ATXN2: variants seen among roughly 807,000 people sequenced by gnomAD.
The protein encoded by ATXN2 is ataxin 2.
ATXN2 carries 37 observed loss-of-function variants against 138.6 expected under a neutral mutation model. The ratio of observed to expected loss-of-function variants is 0.27; its 90% CI spans 0.21 to 0.35. The LOEUF is 0.35. ATXN2 is among the 10% of genes least tolerant of loss of function. ATXN2 has a pLI of 1.00. For synonymous variants in ATXN2, 549 were observed against 543.7 expected, an observed-to-expected ratio of 1.01 and a Z score of -0.13; for missense variants, 1,216 against 1,480.3, an observed-to-expected ratio of 0.82 and a Z score of 2.93.
At chr12:111,584,693 C>A (rs967292582) in intron 1 of ATXN2, among the ~76,000 whole-genome samples, 1 of 151,982 alleles carries the variant, frequency 6.6e-6, no homozygotes. Context: ...AGGCCGGGCA[C>A]AGGGGTTCAT....
rs780175287 is a variant in ATXN2 at position 111,470,666 on chromosome 12, T to C, written c.2601A>G (p.Pro867=). ...AMMHPASAAG[P]PIAATPPAYS... ...AAGCTGGTGGGGTGGCTGCAATCGG[T>C]GGGCCCGCTGCTGACGCTGGGTGCA... The change falls in exon 19 of 25, where the codon CCA becomes CCG. Residue 867 remains proline, a synonymous_variant. Coordinates refer to ENST00000673436, the MANE Select transcript of ATXN2 (RefSeq NM_001372574.1). 1.9e-6 allele frequency: 3 copies of C among 1,613,966 alleles called. No homozygotes were observed. The highest frequency in any genetic ancestry group is 1.3e-5 in the African/African-American group (1 of 74,874).
intron 1 of ATXN2, chr12:111,581,659 C>T (rs1884012981): frequency 2.7e-6 from 2 of 731,776 alleles, no homozygotes; most frequent in Non-Finnish European, 5.1e-6. Flanking sequence ...GCGACCTGAT[C>T]AGGGCCCAGG....
At chr12:111,494,971 G>A (rs1307533526) in intron 14 of ATXN2, among the ~76,000 whole-genome samples, 2 of 151,938 alleles carry the variant, frequency 1.3e-5, no homozygotes, top group African/African-American at 2.4e-5. Context: ...AATGTAAATC[G>A]ACTAAACTCT....
chr12:111,502,158 G>A (rs1878816887), intron 14 of ATXN2, among the ~76,000 whole-genome samples: 1 of 152,156 alleles, frequency 6.6e-6, no homozygotes, highest in Admixed American at 6.5e-5. Context: ...CTCCCAAAGT[G>A]CTAAGATTCA....
At chr12:111,557,309 C>T (rs1818066582) in intron 1 of ATXN2, among the ~76,000 whole-genome samples, 1 of 152,178 alleles carries the variant, frequency 6.6e-6, no homozygotes, top group Non-Finnish European at 1.5e-5. Flanking sequence ...GAGGCCAGTC[C>T]TAGCTTGGTC....
intron 1 of ATXN2, among the ~76,000 whole-genome samples, chr12:111,567,742 A>G (rs1883094293): frequency 6.6e-6 from 1 of 151,996 alleles, no homozygotes; most frequent in African/African-American, 2.4e-5. Context: ...TCAACTCAGG[A>G]GGCAGAGGTT....
chr12:111,456,311 A>G, intron 22 of ATXN2, 55 bp from the exon 23 acceptor site: 1 of 1,580,204 alleles, frequency 6.3e-7, no homozygotes, highest in Non-Finnish European at 8.7e-7. Context: ...AAAAGCAGCC[A>G]AGGGATACCC....
chr12:111,584,377 CAAAAAAAA>C (rs58678794), intron 1 of ATXN2, among the ~76,000 whole-genome samples: 535 of 44,678 alleles, frequency 0.012, 4 homozygotes, highest in Middle Eastern at 0.083. Flanking sequence ...GACCCTGTCT[CAAAAAAAA>C]AAAAAAAAAA....
intron 5 of ATXN2, among the ~76,000 whole-genome samples, chr12:111,540,360 C>A (rs1486170314): frequency 6.6e-6 from 1 of 150,440 alleles, no homozygotes; most frequent in African/African-American, 2.4e-5. Flanking sequence ...CTATTCTTTA[C>A]CTAATAGAGA....
intron 5 of ATXN2, among the ~76,000 whole-genome samples, chr12:111,538,588 A>G (rs1287124119): frequency 7.2e-6 from 1 of 139,598 alleles, no homozygotes; most frequent in African/African-American, 2.5e-5. Flanking sequence ...ACTGGGCTCA[A>G]GCAATTCATC....
At position 111,590,909 on chromosome 12, in the gene ATXN2, G is replaced by A. The variant is rs1207349796; in HGVS notation, c.251+7875C>T. On this transcript the variant is annotated intron_variant, in intron 1 of 24. Coordinates refer to ENST00000673436, the MANE Select transcript of ATXN2 (RefSeq NM_001372574.1). ...AGGTGGAACAATTTTTTTTTTTTTA[G>A]ACGGAGTCTCACTTTGTCCCCCAGG... Among the ~76,000 whole-genome samples, 4 of 149,760 alleles carry A rather than the reference G, an allele frequency of 2.7e-5. No homozygotes were observed. In the South Asian group the frequency reaches 8.4e-4, roughly 31 times the overall value.
At chr12:111,480,238 G>A (rs984479081) in intron 18 of ATXN2, among the ~76,000 whole-genome samples, 4 of 152,144 alleles carry the variant, frequency 2.6e-5, no homozygotes, top group Admixed American at 2.0e-4. Context: ...ATAAAAAGAT[G>A]AGCATTTTCT....
intron 23 of ATXN2, chr12:111,455,150 C>CA: frequency 1.4e-6 from 1 of 702,664 alleles, no homozygotes; most frequent in South Asian, 1.5e-5. Flanking sequence ...TTCATTGTGG[C>CA]AGGTCTCACT....
intron 18 of ATXN2, chr12:111,478,928 G>C (rs910651647): frequency 9.3e-5 from 19 of 205,050 alleles, no homozygotes; most frequent in African/African-American, 4.4e-4. Flanking sequence ...AGAATTGCTT[G>C]AACCCGGGAC....
intron 14 of ATXN2, among the ~76,000 whole-genome samples, chr12:111,506,574 G>A (rs916843580): frequency 6.6e-6 from 1 of 151,894 alleles, no homozygotes; most frequent in Admixed American, 6.6e-5. Flanking sequence ...TAATGCTGAG[G>A]AAAAAATTCA....
In ATXN2 at chr12:111,525,055, T is replaced by C. The variant is rs377135065; in HGVS notation, c.696+137A>G. 4.4e-5 allele frequency: 49 copies of C among 1,125,884 alleles called. No individual in the cohort carries two copies. In the African/African-American group the frequency reaches 4.7e-4, roughly 11 times the overall value. 69.7% of individuals were successfully genotyped at this position (1,125,884 alleles called of 1,614,324 possible). A position where few individuals can be genotyped will look rare whatever the true frequency, so the allele number is the denominator to read the frequency against. Reference sequence around the variant, plus strand: ...TATATATTGCTTGGGAGAAAGTCTCTAGTTATACAACAAACCTGCTGCTCT... The same window carrying C: ...TATATATTGCTTGGGAGAAAGTCTCCAGTTATACAACAAACCTGCTGCTCT... On this transcript the variant is annotated intron_variant, in intron 6 of 24. Transcript: ENST00000673436.
At chr12:111,507,558 A>G (rs7973327) in intron 14 of ATXN2, among the ~76,000 whole-genome samples, 15,378 of 141,438 alleles carry the variant, frequency 0.11, 2,619 homozygotes, top group African/African-American at 0.37. Flanking sequence ...GCCCCCGCCC[A>G]GCCAGCCGCC....
chr12:111,483,225 ACAC>A (rs1457475591), intron 18 of ATXN2, among the ~76,000 whole-genome samples: 1 of 150,912 alleles, frequency 6.6e-6, no homozygotes, highest in East Asian at 1.9e-4. Flanking sequence ...ACACACACAC[ACAC>A]ACACACACAC....
chr12:111,598,959 G>GCTC lies in ATXN2; in HGVS notation c.75_76insGAG (p.Gln25_Gln26insGlu), dbSNP rs1417580594. The GCTC allele has an allele frequency of 6.7e-7, 1 of 1,501,298 alleles. No individual in the cohort carries two copies. Among genetic ancestry groups the GCTC allele is most frequent in the African/African-American group, 1.5e-5 (1 of 68,838 alleles). 93.0% of individuals were successfully genotyped at this position (1,501,298 alleles called of 1,614,324 possible). ...GCAGCCGCGGGCGGCGGCTGCTGCTGCTGCTGCTGCTGCTGCTGTTGCTGC... is the reference window on the plus strand; with the variant it reads ...GCAGCCGCGGGCGGCGGCTGCTGCTGCTCCTGCTGCTGCTGCTGCTGTTGCTGC... On this transcript the variant is annotated inframe_insertion, in exon 1 of 25. Transcript: ENST00000673436. The surrounding 1 kb of genome is among the most constrained non-coding windows in gnomAD (Gnocchi z 4.5).
Sources: gnomAD v4.1 joint callset for allele counts (sites outside exome capture counted in the v4.1 genomes callset) on GRCh38, gnomAD v4.1.1 for gene constraint, Gnocchi (gnomAD v3.1) non-coding constraint, MANE v1.5 for transcripts, NCBI Gene and HGNC (gene_info 2026-07-23, HGNC 2026-07-21) for gene names.